PRPSAP2: variants seen among roughly 807,000 people sequenced by gnomAD.
PRPSAP2 encodes the protein phosphoribosyl pyrophosphate synthase-associated protein 2.
PRPSAP2 carries 24 observed loss-of-function variants against 40.6 expected under a neutral mutation model. The observed-to-expected ratio is 0.59, with a 90% confidence interval of 0.43 to 0.83. The LOEUF is 0.83. Ranked by LOEUF, PRPSAP2 falls within the 40% of genes least tolerant of loss-of-function variation. The pLI, the probability that PRPSAP2 is intolerant of heterozygous loss-of-function variation, is 0.00. For missense variants in PRPSAP2, 292 were observed against 465.6 expected (o/e 0.63, Z 3.43); for synonymous variants, 149 against 164.7 (o/e 0.90, Z 0.73).
chr17:18,922,304 G>A (rs1268247751), intron 9 of PRPSAP2, among the ~76,000 whole-genome samples: 1 of 152,162 alleles, frequency 6.6e-6, no homozygotes, highest in Non-Finnish European at 1.5e-5. Context: ...TCTATACCTG[G>A]TATCGGAATT....
chr17:18,871,683 G>A (rs1397222124), intron 4 of PRPSAP2, among the ~76,000 whole-genome samples: 1 of 141,578 alleles, frequency 7.1e-6, no homozygotes, highest in Non-Finnish European at 1.5e-5. Flanking sequence ...TTTTTGAGAC[G>A]GAGTTTCGCT....
chr17:18,875,295 G>C (rs769997096), intron 5 of PRPSAP2, among the ~76,000 whole-genome samples: 4 of 152,118 alleles, frequency 2.6e-5, no homozygotes, highest in Non-Finnish European at 5.9e-5. Context: ...CAGATGTGGT[G>C]GCTCATGCCT....
At chr17:18,903,295 A>G (rs1183003309) in intron 8 of PRPSAP2, among the ~76,000 whole-genome samples, 7 of 151,356 alleles carry the variant, frequency 4.6e-5, no homozygotes, top group Non-Finnish European at 1.5e-5. Flanking sequence ...CTAGGCAACA[A>G]GAGCAAAACT....
At chr17:18,884,940 AGGGATGCCC>A (rs2039021412) in intron 7 of PRPSAP2, among the ~76,000 whole-genome samples, 1 of 152,306 alleles carries the variant, frequency 6.6e-6, no homozygotes, top group South Asian at 2.1e-4. Context: ...GCACCTCTTA[AGGGATGCCC>A]GGTGGGTGAG....
chr17:18,920,711 C>T (rs1457347764), intron 9 of PRPSAP2, among the ~76,000 whole-genome samples: 2 of 151,762 alleles, frequency 1.3e-5, no homozygotes, highest in African/African-American at 4.8e-5. Context: ...TGAAAATATG[C>T]CTACTAAAAA....
At chr17:18,892,745 A>ATTATT (rs1555554153) in intron 8 of PRPSAP2, among the ~76,000 whole-genome samples, 7 of 125,706 alleles carry the variant, frequency 5.6e-5, no homozygotes, top group African/African-American at 2.1e-4. Flanking sequence ...TTATTTATTT[A>ATTATT]TTTTTTTGAG....
chr17:18,870,808 CAAAAAA>C (rs59205286), intron 4 of PRPSAP2, among the ~76,000 whole-genome samples: 1 of 125,602 alleles, frequency 8.0e-6, no homozygotes, highest in African/African-American at 2.9e-5. Flanking sequence ...GACCTTGTCT[CAAAAAA>C]AAAAAAAAAA....
In PRPSAP2 at chr17:18,885,403, CAAAAAAAAAAA is replaced by C. The variant is rs775079199; in HGVS notation, c.528+2736_528+2746del. ...GGCGACAGAGTGAGATTCCTTCTCA[CAAAAAAAAAAA>C]AAAAAAAAAAAAAAATTAATATGTG... On this transcript the variant is annotated intron_variant, in intron 7 of 11. Coordinates refer to ENST00000268835, the MANE Select transcript of PRPSAP2 (RefSeq NM_002767.4). Among the ~76,000 whole-genome samples the C allele has an allele frequency of 1.0e-3, 11 of 10,994 alleles. 1 individual carries two copies. Among genetic ancestry groups the C allele is most frequent in the Admixed American group, 8.1e-3 (9 of 1,118 alleles). 7.2% of individuals were successfully genotyped at this position (10,994 alleles called of 152,430 possible).
intron 1 of PRPSAP2, among the ~76,000 whole-genome samples, chr17:18,861,190 C>T (rs183013278): frequency 2.2e-3 from 331 of 152,258 alleles, no homozygotes; most frequent in Non-Finnish European, 3.4e-3. Context: ...TATGGCCGGG[C>T]GCAGTGGCTC....
intron 10 of PRPSAP2, 132 bp from the exon 11 acceptor site, chr17:18,928,679 C>T (rs574013866): frequency 6.8e-6 from 8 of 1,179,686 alleles, no homozygotes; most frequent in African/African-American, 4.6e-5. Flanking sequence ...GGGGCCATGC[C>T]GTCTGCACAA....
Position 18,911,231 on chromosome 17 carries a change from A to G in PRPSAP2, c.713A>G (p.His238Arg). The change falls in exon 9 of 12, where the codon CAC (histidine) becomes CGC (arginine). Residue 238 changes from histidine to arginine, a missense_variant. By Grantham distance (29) the His-to-Arg change is conservative (BLOSUM62 0). Around this residue, in one of 2 missense-constraint regions of PRPSAP2, gnomAD observed 241 missense variants for 425.7 expected, o/e 0.57. Coordinates refer to ENST00000268835, the MANE Select transcript of PRPSAP2 (RefSeq NM_002767.4). This position sits in a 1 kb window ranked among gnomAD's most constrained non-coding sequence, Gnocchi z 4.5. ...ATGGTCAGAAGTGTGGCTGCCATCCACCCCAGCCTGGAGATCCCCAGTAAG... is the reference window on the plus strand; with the variant it reads ...ATGGTCAGAAGTGTGGCTGCCATCCGCCCCAGCCTGGAGATCCCCAGTAAG... The part of the protein sequence containing the change: ...PPMVRSVAAI[H>R]PSLEIPMLIP... 6.2e-7 allele frequency: 1 copy of G among 1,609,992 alleles called. No individual in the cohort carries two copies. Among genetic ancestry groups the G allele is most frequent in the Non-Finnish European group, 8.5e-7 (1 of 1,177,926 alleles).
At chr17:18,920,062 A>C (rs2041606248) in intron 9 of PRPSAP2, among the ~76,000 whole-genome samples, 2 of 152,110 alleles carry the variant, frequency 1.3e-5, no homozygotes, top group Admixed American at 1.3e-4. Context: ...CCCTTTCAGA[A>C]TCCTTGCCTG....
At chr17:18,889,671 G>A (rs2151921722) in intron 7 of PRPSAP2, 151 bp from the exon 8 acceptor site, 2 of 554,634 alleles carry the variant, frequency 3.6e-6, no homozygotes, top group South Asian at 2.9e-5. Flanking sequence ...TTTTTTCATA[G>A]GCAGGTTCCT....
intron 4 of PRPSAP2, among the ~76,000 whole-genome samples, chr17:18,871,216 C>T (rs1456034876): frequency 6.6e-6 from 1 of 151,908 alleles, no homozygotes; most frequent in African/African-American, 2.4e-5. Flanking sequence ...GACGAGGTTT[C>T]ACCATGTTGG....
chr17:18,873,286 C>T (rs1052310249), intron 5 of PRPSAP2, among the ~76,000 whole-genome samples: 1 of 150,824 alleles, frequency 6.6e-6, no homozygotes, highest in African/African-American at 2.4e-5. Flanking sequence ...CTCAGCTTAC[C>T]GCAACCTCTG....
At chr17:18,879,011 A>C (rs923087269) in intron 6 of PRPSAP2, among the ~76,000 whole-genome samples, 3 of 151,960 alleles carry the variant, frequency 2.0e-5, no homozygotes, top group Non-Finnish European at 4.4e-5. Context: ...CTGGGACTAC[A>C]GGTGCCTGCC....
upstream of PRPSAP2, chr17:18,856,436 A>C (rs1269619134): frequency 1.3e-5 from 2 of 152,132 alleles, no homozygotes; most frequent in East Asian, 3.9e-4. Context: ...TTTGGTATGC[A>C]GATAATCACT....
At chr17:18,899,893 T>C (rs891094907) in intron 8 of PRPSAP2, among the ~76,000 whole-genome samples, 1 of 151,388 alleles carries the variant, frequency 6.6e-6, no homozygotes, top group Non-Finnish European at 1.5e-5. Flanking sequence ...AAGTTTTTGG[T>C]TCTCTTTTTT....
At chr17:18,901,277 A>G (rs1440062126) in intron 8 of PRPSAP2, among the ~76,000 whole-genome samples, 3 of 152,050 alleles carry the variant, frequency 2.0e-5, no homozygotes, top group Non-Finnish European at 4.4e-5. Flanking sequence ...CCAGCTACAA[A>G]TCTGGGATAA....
Sources: gnomAD v4.1 joint callset for allele counts (sites outside exome capture counted in the v4.1 genomes callset) on GRCh38, gnomAD v4.1.1 for gene constraint, gnomAD v4.1.1 regional missense constraint, Gnocchi (gnomAD v3.1) non-coding constraint, MANE v1.5 for transcripts, NCBI Gene and HGNC (gene_info 2026-07-23, HGNC 2026-07-21) for gene names.